The following NCKAP5 variants were observed in gnomAD, a reference collection of about 807,000 sequenced individuals.
The protein encoded by NCKAP5 is nck-associated protein 5.
NCKAP5 carries 92 observed loss-of-function variants against 167.0 expected under a neutral mutation model. That is an observed-to-expected ratio of 0.55 (90% CI 0.47 to 0.66). The LOEUF is 0.66. Ranked by LOEUF, NCKAP5 falls within the 30% of genes least tolerant of loss-of-function variation. NCKAP5 has a pLI of 0.00. For missense variants in NCKAP5, 2,378 were observed against 2,315.0 expected (o/e 1.03, Z -0.56); for synonymous variants, 891 against 877.4 (o/e 1.02, Z -0.27).
At chr2:132,947,513 A>T (rs1697840995) in intron 8 of NCKAP5, among the ~76,000 whole-genome samples, 3 of 152,192 alleles carry the variant, frequency 2.0e-5, no homozygotes, top group Non-Finnish European at 2.9e-5. Flanking sequence ...TAAAGAATGG[A>T]AAAGAGATTA....
chr2:133,065,398 G>A (rs187143996), intron 6 of NCKAP5, among the ~76,000 whole-genome samples: 5 of 152,086 alleles, frequency 3.3e-5, no homozygotes, highest in Middle Eastern at 3.4e-3. Context: ...AGGCTGAGGC[G>A]GGCAGATCAC....
intron 3 of NCKAP5, among the ~76,000 whole-genome samples, chr2:133,444,511 C>G (rs1335062093): frequency 5.9e-5 from 9 of 151,860 alleles, no homozygotes; most frequent in Admixed American, 5.9e-4. Flanking sequence ...TGGCTTGTCC[C>G]TCTCTCTGTT....
intron 7 of NCKAP5, among the ~76,000 whole-genome samples, chr2:132,970,740 G>T (rs1001581851): frequency 1.2e-4 from 18 of 152,136 alleles, no homozygotes; most frequent in African/African-American, 4.3e-4. Flanking sequence ...TTCTCAAGCA[G>T]TCAACATCAT....
chr2:133,027,833 G>A (rs1353067090), intron 6 of NCKAP5, among the ~76,000 whole-genome samples: 1 of 152,030 alleles, frequency 6.6e-6, no homozygotes, highest in Non-Finnish European at 1.5e-5. Flanking sequence ...TGTTGCATAT[G>A]TTTATATAAT....
At chr2:133,655,147 C>T in the NCKAP5 span, among the ~76,000 whole-genome samples, 7 of 152,192 alleles carry the variant, frequency 4.6e-5, no homozygotes, top group Admixed American at 4.6e-4. Context: ...AATGCAGCAA[C>T]TTCCTCAATA....
intron 5 of NCKAP5, among the ~76,000 whole-genome samples, chr2:133,151,059 G>C (rs982629417): frequency 1.3e-5 from 2 of 152,144 alleles, no homozygotes; most frequent in African/African-American, 4.8e-5. Context: ...GCCTAGAGAG[G>C]AACTTCTAGG....
chr2:133,468,312 T>G (rs1474045102), intron 3 of NCKAP5, among the ~76,000 whole-genome samples: 1 of 145,202 alleles, frequency 6.9e-6, no homozygotes, highest in Non-Finnish European at 1.5e-5. Context: ...TCTATGTAGT[T>G]GAGCGGTTTT....
chr2:132,947,805 G>T (rs750646313), intron 8 of NCKAP5, among the ~76,000 whole-genome samples: 1 of 152,126 alleles, frequency 6.6e-6, no homozygotes, highest in South Asian at 2.1e-4. Flanking sequence ...GAGATTTCAC[G>T]ATAGAGCATT....
chr2:133,344,925 G>T (rs1398382001), intron 3 of NCKAP5, among the ~76,000 whole-genome samples: 1 of 152,014 alleles, frequency 6.6e-6, no homozygotes, highest in Non-Finnish European at 1.5e-5. Flanking sequence ...GTCAGAGGAA[G>T]TCAGGGATGA....
In NCKAP5 at chr2:132,785,134, T is replaced by C. The variant is rs770955424; in HGVS notation, c.1677A>G (p.Val559=). 8.1e-6 allele frequency: 13 copies of C among 1,612,486 alleles called. No homozygotes were observed. The highest frequency in any genetic ancestry group is 1.1e-5 in the South Asian group (1 of 90,894). ...KLCPSVQTPQ[V]QRERGPQGQG... ...GGCCCTGTGGGCCCCTCTCCCTCTG[T>C]ACCTGAGGCGTCTGCACACTTGGGC... Residue 559 remains valine (V), a synonymous_variant, in exon 14 of 20, where the codon GTA becomes GTG. Coordinates refer to ENST00000409261, the MANE Select transcript of NCKAP5 (RefSeq NM_207363.3).
chr2:133,250,311 A>G (rs1309202111), intron 4 of NCKAP5, among the ~76,000 whole-genome samples: 1 of 152,106 alleles, frequency 6.6e-6, no homozygotes, highest in Non-Finnish European at 1.5e-5. Context: ...AGAGCGGATG[A>G]TCTGCTTCAC....
At chr2:132,794,219 T>TATAC (rs1242681021) in intron 12 of NCKAP5, among the ~76,000 whole-genome samples, 3 of 76,436 alleles carry the variant, frequency 3.9e-5, no homozygotes, top group African/African-American at 1.5e-4. Flanking sequence ...TAAAAATGTT[T>TATAC]ATACATATAT....
chr2:132,878,613 TACACACACACACACAC>T (rs10544477), intron 9 of NCKAP5, among the ~76,000 whole-genome samples: 3,550 of 131,986 alleles, frequency 0.027, 145 homozygotes, highest in African/African-American at 0.094. Context: ...GGGGGGCAGA[TACACACACACACACAC>T]ACACACACAC....
At chr2:133,453,149 A>G (rs1409213213) in intron 3 of NCKAP5, among the ~76,000 whole-genome samples, 1 of 152,190 alleles carries the variant, frequency 6.6e-6, no homozygotes, top group African/African-American at 2.4e-5. Flanking sequence ...CTAAGGGAAG[A>G]GTCATTAGTT....
intron 8 of NCKAP5, among the ~76,000 whole-genome samples, chr2:132,895,511 A>C (rs1693116172): frequency 6.6e-6 from 1 of 152,132 alleles, no homozygotes; most frequent in Admixed American, 6.5e-5. Context: ...ATCTAGCCAG[A>C]AGCTGGAAAT....
chr2:132,962,443 T>C (rs1055451959), intron 8 of NCKAP5, among the ~76,000 whole-genome samples: 1 of 152,156 alleles, frequency 6.6e-6, no homozygotes, highest in Admixed American at 6.5e-5. Flanking sequence ...AGAATTGAGC[T>C]TCAAAGTGCA....
intron 3 of NCKAP5, among the ~76,000 whole-genome samples, chr2:133,360,728 T>C (rs111369054): frequency 0.017 from 2,573 of 152,154 alleles, 84 homozygotes; most frequent in African/African-American, 0.057. Context: ...TTCTCTATAC[T>C]ACAATTGATT....
At chr2:133,529,495 T>C (rs1368251979) in intron 2 of NCKAP5, among the ~76,000 whole-genome samples, 7 of 152,190 alleles carry the variant, frequency 4.6e-5, no homozygotes, top group Non-Finnish European at 7.4e-5. Flanking sequence ...TTTAGATAGT[T>C]GTTTGTGTTT....
chr2:133,619,299 T>TATA, the NCKAP5 span, among the ~76,000 whole-genome samples: 1 of 150,300 alleles, frequency 6.7e-6, no homozygotes, highest in Admixed American at 6.6e-5. Context: ...AAACTTAAAG[T>TATA]ATAATAATAA....
Sources: allele counts gnomAD v4.1 joint callset (sites outside exome capture counted in the v4.1 genomes callset), GRCh38; gene constraint gnomAD v4.1.1; transcripts MANE v1.5; gene names NCBI Gene and HGNC (gene_info 2026-07-23, HGNC 2026-07-21).